The following RLF variants were observed in gnomAD, a reference collection of about 807,000 sequenced individuals.
The protein encoded by RLF is RLF zinc finger, also known as zinc finger protein Rlf.
RLF carries 7 observed loss-of-function variants against 162.9 expected under a neutral mutation model. The ratio of observed to expected loss-of-function variants is 0.04; its 90% CI spans 0.02 to 0.08. The LOEUF (loss-of-function observed/expected upper bound fraction) is 0.08, where lower values mean the gene tolerates loss of function less well. Ranked by LOEUF, RLF falls within the 10% of genes least tolerant of loss-of-function variation. The probability of loss-of-function intolerance (pLI) is 1.00; values close to 1 mark genes in which losing one functional copy is unlikely to be tolerated. For synonymous variants in RLF, 782 were observed against 791.5 expected (o/e 0.99, Z 0.20); for missense variants, 1,664 against 2,244.7 (o/e 0.74, Z 5.23).
Position 40,238,816 on chromosome 1 carries a change from C to T in RLF, c.4114C>T (p.Arg1372Cys). 1.2e-6 allele frequency: 2 copies of T among 1,613,662 alleles called. No homozygotes were observed. The highest frequency in any genetic ancestry group is 1.7e-6 in the Non-Finnish European group (2 of 1,179,798). Reference protein sequence around the residue: ...FACKYKECNKRFLCSKALAKH... With the variant: ...FACKYKECNKCFLCSKALAKH... ...TTGCAAATATAAGGAATGTAATAAA[C>T]GCTTCCTGTGTTCCAAAGCTCTTGC... The change falls in exon 8 of 8, where the codon CGC becomes TGC. Residue 1372 changes from arginine (R) to cysteine (C), a missense_variant. This residue lies in a region of RLF where 200 missense variants were observed against 207.3 expected (regional missense o/e 0.96). Transcript: ENST00000372771. This position sits in a 1 kb window ranked among gnomAD's most constrained non-coding sequence, Gnocchi z 5.2.
At chr1:40,202,677 C>A in intron 5 of RLF, 63 bp downstream of exon 5, 2 of 969,650 alleles carry the variant, frequency 2.1e-6, no homozygotes, top group Non-Finnish European at 3.0e-6. Flanking sequence ...ATATATATTG[C>A]ATGGTTTATT....
intron 7 of RLF, among the ~76,000 whole-genome samples, chr1:40,234,722 T>C (rs1220708299): frequency 6.6e-6 from 1 of 152,252 alleles, no homozygotes; most frequent in Non-Finnish European, 1.5e-5. Context: ...AAGTCTCTGC[T>C]CATAGCAGTG....
chr1:40,222,255 A>C lies in RLF; in HGVS notation c.811-319A>C, dbSNP rs1643010485. Among the ~76,000 whole-genome samples, 5 of 152,304 alleles carry C rather than the reference A, an allele frequency of 3.3e-5. No homozygotes were observed. In the South Asian group the frequency reaches 1.0e-3, roughly 32 times the overall value. ...AGACAGGAACAGGAAAGAAAAAAAA[A>C]CATAGTAATACTTCAGGTAAAAATA... On this transcript the variant is annotated intron_variant, in intron 5 of 7. Transcript: ENST00000372771.
intron 3 of RLF, among the ~76,000 whole-genome samples, chr1:40,195,403 C>T (rs752608270): frequency 1.3e-5 from 2 of 150,706 alleles, no homozygotes; most frequent in Non-Finnish European, 1.5e-5. Context: ...GAGCTGAGAT[C>T]GCGCCACTGC....
Position 40,205,705 on chromosome 1 carries a change from A to G in RLF, c.810+3091A>G, listed in dbSNP as rs1439346866. On this transcript the variant is annotated intron_variant, in intron 5 of 7. Transcript: ENST00000372771. Reference sequence around the variant, plus strand: ...ACGGGGTTTCACCGTGTCAGCCAAGATGGTCTCCATCTCCTGACCTCGTGA... The same window carrying G: ...ACGGGGTTTCACCGTGTCAGCCAAGGTGGTCTCCATCTCCTGACCTCGTGA... Among the ~76,000 whole-genome samples, 5 of 151,866 alleles carry G rather than the reference A, an allele frequency of 3.3e-5. No individual in the cohort carries two copies. The South Asian group carries it at 1.0e-3, about 31-fold the overall frequency.
intron 6 of RLF, among the ~76,000 whole-genome samples, chr1:40,228,952 G>GCCA (rs1643116855): frequency 6.6e-6 from 1 of 152,144 alleles, no homozygotes. Flanking sequence ...CTACAGGTGT[G>GCCA]CCACCAAGAG....
chr1:40,208,211 A>T (rs1642821973), intron 5 of RLF, among the ~76,000 whole-genome samples: 1 of 152,180 alleles, frequency 6.6e-6, no homozygotes, highest in African/African-American at 2.4e-5. Context: ...TTGGGGAATG[A>T]CCTTACACAG....
intron 5 of RLF, among the ~76,000 whole-genome samples, chr1:40,209,644 G>A (rs1403526215): frequency 6.6e-6 from 1 of 152,158 alleles, no homozygotes; most frequent in East Asian, 1.9e-4. Context: ...TTGGGAGGCC[G>A]AGGCGGGCAG....
chr1:40,166,142 A>C (rs1001418962), intron 1 of RLF, among the ~76,000 whole-genome samples: 2 of 152,178 alleles, frequency 1.3e-5, no homozygotes, highest in African/African-American at 4.8e-5. Flanking sequence ...CTTGTAAATC[A>C]ACAAGAGCAG....
At chr1:40,189,626 C>A (rs573670533) in intron 2 of RLF, among the ~76,000 whole-genome samples, 50 of 151,978 alleles carry the variant, frequency 3.3e-4, no homozygotes, top group Middle Eastern at 3.4e-3. Context: ...ATAAGATTAC[C>A]ATCCTAAGAA....
Position 40,240,611 on chromosome 1 carries a change from C to T in RLF, c.*164C>T, listed in dbSNP as rs1557765661. On this transcript the variant is annotated 3_prime_UTR_variant, in exon 8 of 8. Transcript: ENST00000372771. ...CTATGTCAGCAGTATTGGCTGAGTC[C>T]ATTAGCTCTCCAGTTGGTTTAATGA... The T allele has an allele frequency of 6.9e-6, 4 of 580,056 alleles. No homozygotes were observed. Among genetic ancestry groups the T allele is most frequent in the Non-Finnish European group, 1.2e-5 (4 of 327,490 alleles). 35.9% of individuals were successfully genotyped at this position (580,056 alleles called of 1,614,324 possible).
At position 40,179,488 on chromosome 1, in the gene RLF, C is replaced by A. The variant is rs113528839; in HGVS notation, c.238-9567C>A. On this transcript the variant is annotated intron_variant, in intron 1 of 7. Coordinates refer to ENST00000372771, the MANE Select transcript of RLF (RefSeq NM_012421.4). ...CCCCGTCGTCTTCCTTTTGCATGAT[C>A]ATCCACTTCAGTTTCTTGAAAATTT... Among the ~76,000 whole-genome samples, 52 of 151,774 alleles carry A rather than the reference C, an allele frequency of 3.4e-4. 1 individual carries two copies. The highest frequency in any genetic ancestry group is 1.2e-3 in the African/African-American group (50 of 41,360).
chr1:40,236,612 C>G lies in RLF; in HGVS notation c.1910C>G (p.Pro637Arg), dbSNP rs1643221356. 1.2e-6 allele frequency: 2 copies of G among 1,614,102 alleles called. No homozygotes were observed. The highest frequency in any genetic ancestry group is 2.7e-5 in the African/African-American group (2 of 75,010). Residue 637 changes from proline (P) to arginine (R), a missense_variant, in exon 8 of 8, where the codon CCA becomes CGA. Pro to Arg is a moderately radical substitution (Grantham distance 103). Around this residue, in one of 15 missense-constraint regions of RLF, gnomAD observed 50 missense variants for 46.7 expected, o/e 1.07. Transcript: ENST00000372771. This position sits in a 1 kb window ranked among gnomAD's most constrained non-coding sequence, Gnocchi z 7.7. ...TGTCCTAAGAGCCCCTCTGCAATCC[C>G]AGAGCAAAACCATTCATTGAATGAC... ...GICPKSPSAIPEQNHSLNDQA... is the reference protein window; with the variant it reads ...GICPKSPSAIREQNHSLNDQA...
chr1:40,177,731 C>T (rs1642346693), intron 1 of RLF: 2 of 151,824 alleles, frequency 1.3e-5, no homozygotes, highest in African/African-American at 4.8e-5. Context: ...TTAGGTTTTA[C>T]ATTTAAGTCT....
chr1:40,194,070 C>T (rs1456873120), intron 3 of RLF, among the ~76,000 whole-genome samples: 1 of 152,146 alleles, frequency 6.6e-6, no homozygotes, highest in East Asian at 1.9e-4. Context: ...ATCATTTATA[C>T]TGAATTACAT....
intron 1 of RLF, among the ~76,000 whole-genome samples, chr1:40,185,153 G>A (rs1486288352): frequency 6.6e-6 from 1 of 151,934 alleles, no homozygotes; most frequent in African/African-American, 2.4e-5. Context: ...GAGGTGGGTG[G>A]GAGAGAGGAT....
At chr1:40,169,335 G>A (rs1452464998) in intron 1 of RLF, among the ~76,000 whole-genome samples, 1 of 151,846 alleles carries the variant, frequency 6.6e-6, no homozygotes, top group Non-Finnish European at 1.5e-5. Context: ...AGTGCTTCTC[G>A]GCCGGGCGCG....
intron 5 of RLF, among the ~76,000 whole-genome samples, chr1:40,214,772 A>C (rs1293654571): frequency 6.6e-6 from 1 of 151,700 alleles, no homozygotes; most frequent in East Asian, 1.9e-4. Flanking sequence ...AAATTTTTCA[A>C]ATTAGCTGGG....
Position 40,231,574 on chromosome 1 carries a change from T to C in RLF, c.1005T>C (p.Thr335=). 2 of 1,613,890 alleles carry C rather than the reference T, an allele frequency of 1.2e-6. No individual in the cohort carries two copies. The highest frequency in any genetic ancestry group is 1.7e-6 in the Non-Finnish European group (2 of 1,179,812). The change falls in exon 7 of 8, where the codon ACT becomes ACC. Residue 335 remains threonine, a synonymous_variant. Transcript: ENST00000372771. ...LQRRIDPSLD[T]FLERCRQFGV... is the part of the protein sequence containing the mutation. Reference sequence around the variant, plus strand: ...GAAGAATTGACCCTTCTTTAGATACTTTTTTGGAGCGCTGTCGTCAGTTTG... The same window carrying C: ...GAAGAATTGACCCTTCTTTAGATACCTTTTTGGAGCGCTGTCGTCAGTTTG...
Sources: gnomAD v4.1 joint callset for allele counts (sites outside exome capture counted in the v4.1 genomes callset) on GRCh38, gnomAD v4.1.1 for gene constraint, gnomAD v4.1.1 regional missense constraint, Gnocchi (gnomAD v3.1) non-coding constraint, MANE v1.5 for transcripts, NCBI Gene and HGNC (gene_info 2026-07-23, HGNC 2026-07-21) for gene names.